The following ITGA2 variants were observed in gnomAD, a reference collection of about 807,000 sequenced individuals.
The protein encoded by ITGA2 is integrin subunit alpha 2, also known as integrin alpha-2.
In ITGA2, 101 loss-of-function variants were observed where a neutral mutation model predicts 146.3. The ratio of observed to expected loss-of-function variants is 0.69; its 90% CI spans 0.59 to 0.81. The LOEUF (loss-of-function observed/expected upper bound fraction) is 0.81, where lower values mean the gene tolerates loss of function less well. ITGA2 is among the 40% of genes least tolerant of loss of function. ITGA2 has a pLI of 0.00. For missense variants in ITGA2, 1,281 were observed against 1,402.7 expected, an observed-to-expected ratio of 0.91 and a Z score of 1.39; for synonymous variants, 477 against 487.1, an observed-to-expected ratio of 0.98 and a Z score of 0.27.
intron 23 of ITGA2, among the ~76,000 whole-genome samples, chr5:53,077,362 A>G (rs1167316076): frequency 6.6e-6 from 1 of 151,928 alleles, no homozygotes; most frequent in Non-Finnish European, 1.5e-5. Context: ...TTGATACTGT[A>G]TAACTGTACA....
At chr5:53,060,860 G>A (rs781661898) in intron 11 of ITGA2, 41 bp from the exon 12 acceptor site, 6 of 1,599,232 alleles carry the variant, frequency 3.8e-6, no homozygotes, top group Non-Finnish European at 5.1e-6. Context: ...ATTTTGCTCA[G>A]ATAGTCAATG....
rs1744957159 is a variant in ITGA2, at chr5:53,062,782, C to A, written c.1459-4C>A. ...TCTAAGTTTAACATGTTTTATTACTCCAGATTGGCTCCTATTTTGGTAGTG... is the reference window on the plus strand; with the variant it reads ...TCTAAGTTTAACATGTTTTATTACTACAGATTGGCTCCTATTTTGGTAGTG... On this transcript the variant is annotated splice_polypyrimidine_tract_variant and splice_region_variant and intron_variant, in intron 12 of 29. Transcript: ENST00000296585. 6.2e-7 allele frequency: 1 copy of A among 1,610,442 alleles called. No individual in the cohort carries two copies.
chr5:53,001,776 G>C (rs187563807), intron 1 of ITGA2, among the ~76,000 whole-genome samples: 30 of 149,102 alleles, frequency 2.0e-4, no homozygotes, highest in African/African-American at 7.2e-4. Context: ...AGAGGTCAAG[G>C]CTGTAGCAAA....
rs149765273 is a variant in ITGA2, at chr5:53,086,968, T to A, written c.3275T>A (p.Val1092Glu). 92 of 1,613,526 alleles carry A rather than the reference T, an allele frequency of 5.7e-5. No individual in the cohort carries two copies. In the African/African-American group the frequency reaches 1.0e-3, roughly 18 times the overall value. The change falls in exon 28 of 30, where the codon GTA (valine) becomes GAA (glutamate). Residue 1092 changes from valine (V) to glutamate (E), a missense_variant. By Grantham distance (121) the Val-to-Glu change is moderately radical. Around this residue, in one of 3 missense-constraint regions of ITGA2, gnomAD observed 475 missense variants for 530.5 expected, o/e 0.90. Transcript: ENST00000296585. ...ATGTTCCAGTCAACGTTCCAGACAGTACAGCTAACGGCAGCTGCAGAAATC... is the reference window on the plus strand; with the variant it reads ...ATGTTCCAGTCAACGTTCCAGACAGAACAGCTAACGGCAGCTGCAGAAATC... ...GTFASSTFQT[V>E]QLTAAAEINT...
intron 16 of ITGA2, among the ~76,000 whole-genome samples, chr5:53,069,854 G>T (rs2111989150): frequency 6.6e-6 from 1 of 151,904 alleles, no homozygotes. Context: ...GGCAAGTCTA[G>T]TTTCCTTTCC....
chr5:53,017,555 C>T (rs991364220), intron 1 of ITGA2, among the ~76,000 whole-genome samples: 13 of 152,220 alleles, frequency 8.5e-5, no homozygotes, highest in African/African-American at 7.2e-5. Context: ...CAGGATCCAT[C>T]GTCACTTTTA....
Position 53,044,774 on chromosome 5 carries a change from G to GC in ITGA2, c.296-224dup, listed in dbSNP as rs3212675. ...ATCTATAAGTCATACCCTCTCCAGA[G>GC]CCCACTCCTTACTGTCTTATGCTCT... is the stretch of plus-strand genomic sequence containing the variant. On this transcript the variant is annotated intron_variant, in intron 3 of 29. Coordinates refer to ENST00000296585, the MANE Select transcript of ITGA2 (RefSeq NM_002203.4). 3.1e-3 allele frequency among the ~76,000 whole-genome samples: 475 copies of GC among 152,212 alleles called. 1 individual carries two copies. Among genetic ancestry groups the GC allele is most frequent in the Non-Finnish European group, 5.2e-3 (356 of 68,014 alleles).
chr5:52,996,733 A>G (rs897614755), intron 1 of ITGA2, among the ~76,000 whole-genome samples: 7 of 152,232 alleles, frequency 4.6e-5, no homozygotes, highest in African/African-American at 1.7e-4. Flanking sequence ...CATAATTAAT[A>G]TCAGTGCGTT....
intron 1 of ITGA2, 106 bp downstream of exon 1, chr5:52,989,638 C>A: frequency 8.0e-7 from 1 of 1,252,902 alleles, no homozygotes; most frequent in Non-Finnish European, 1.2e-6. Flanking sequence ...CCGTGTGTTC[C>A]CTCGGATTCC....
chr5:53,054,104 A>G (rs1326853772), intron 7 of ITGA2, among the ~76,000 whole-genome samples: 2 of 152,164 alleles, frequency 1.3e-5, no homozygotes, highest in Non-Finnish European at 2.9e-5. Context: ...GATTTTAGGA[A>G]ATAAAATGAT....
rs574118220 is a variant in ITGA2 at position 53,065,742 on chromosome 5, A to G, written c.1807-99A>G. 1.3e-4 allele frequency: 180 copies of G among 1,437,432 alleles called. 1 individual carries two copies. In the African/African-American group the frequency reaches 2.3e-3, roughly 19 times the overall value. 89.0% of individuals were successfully genotyped at this position (1,437,432 alleles called of 1,614,324 possible). ...TTGTAGAGAATAAACACAATCTGGG[A>G]CATTACTATATAGAAAATATAATAA... On this transcript the variant is annotated intron_variant, in intron 14 of 29. Transcript: ENST00000296585.
At chr5:53,052,117 T>G (rs1042475130) in intron 7 of ITGA2, among the ~76,000 whole-genome samples, 5 of 152,170 alleles carry the variant, frequency 3.3e-5, no homozygotes, top group African/African-American at 1.2e-4. Context: ...TACTTTAAGT[T>G]CTGGGATACA....
At chr5:53,004,954 T>G (rs1741765692) in intron 1 of ITGA2, among the ~76,000 whole-genome samples, 1 of 139,632 alleles carries the variant, frequency 7.2e-6, no homozygotes, top group African/African-American at 2.6e-5. Flanking sequence ...GAGAGGACTT[T>G]CTACTTGCAT....
chr5:53,074,743 A>T (rs1025878214), intron 21 of ITGA2, among the ~76,000 whole-genome samples: 1 of 152,056 alleles, frequency 6.6e-6, no homozygotes, highest in African/African-American at 2.4e-5. Context: ...TCAAAGCACT[A>T]TACACAGAGT....
intron 1 of ITGA2, among the ~76,000 whole-genome samples, chr5:52,999,555 G>A (rs1054057432): frequency 2.6e-5 from 4 of 151,998 alleles, no homozygotes; most frequent in African/African-American, 9.7e-5. Context: ...GATACCCTTT[G>A]CCCACCAAGA....
chr5:53,030,688 A>G (rs1271629645), intron 2 of ITGA2, among the ~76,000 whole-genome samples: 1 of 152,230 alleles, frequency 6.6e-6, no homozygotes, highest in Non-Finnish European at 1.5e-5. Context: ...AAAAAATGCA[A>G]AACATAGTTG....
At chr5:53,054,553 A>G (rs1009861851) in intron 7 of ITGA2, among the ~76,000 whole-genome samples, 38 of 152,146 alleles carry the variant, frequency 2.5e-4, no homozygotes, top group Non-Finnish European at 5.9e-5. Flanking sequence ...TAAAACTCAA[A>G]ATGTCCTAAG....
intron 21 of ITGA2, 56 bp from the exon 22 acceptor site, chr5:53,075,005 C>CG: frequency 8.9e-7 from 1 of 1,119,194 alleles, no homozygotes; most frequent in South Asian, 1.3e-5. Context: ...TTTTTTTTCA[C>CG]GTTGGCCTCT....
chr5:53,073,256 G>A lies in ITGA2; in HGVS notation c.2568G>A (p.Leu856=), dbSNP rs3213805. 142,521 of 1,611,372 alleles carry A rather than the reference G, an allele frequency of 0.088. 7,146 individuals carry two copies. Among genetic ancestry groups the A allele is most frequent in the African/African-American group, 0.19 (13,987 of 74,776 alleles). The change falls in exon 20 of 30, where the codon CTG becomes CTA. Residue 856 remains leucine, a synonymous_variant. Coordinates refer to ENST00000296585, the MANE Select transcript of ITGA2 (RefSeq NM_002203.4). ...SENLFFASFS[L]PVDGTEVTCQ... is the part of the protein sequence containing the mutation. Reference sequence around the variant, plus strand: ...ACTTGTTTTTTGCATCATTCTCCCTGCCGGTATGTGATGAGACCCTGTACT... The same window carrying A: ...ACTTGTTTTTTGCATCATTCTCCCTACCGGTATGTGATGAGACCCTGTACT...
Sources: gnomAD v4.1 joint callset for allele counts (sites outside exome capture counted in the v4.1 genomes callset) on GRCh38, gnomAD v4.1.1 for gene constraint, gnomAD v4.1.1 regional missense constraint, MANE v1.5 for transcripts, NCBI Gene and HGNC (gene_info 2026-07-23, HGNC 2026-07-21) for gene names.